Variants in MRPS14 observed in about 807,000 individuals in gnomAD.
The protein encoded by MRPS14 is small ribosomal subunit protein uS14m.
In MRPS14, 14 loss-of-function variants were observed where a neutral mutation model predicts 16.4. That is an observed-to-expected ratio of 0.85 (90% CI 0.56 to 1.33). MRPS14 has a LOEUF of 1.33. Among genes scored for constraint, MRPS14 ranks in the 40% most tolerant of loss-of-function variants. The pLI is 0.00. For synonymous variants in MRPS14, 54 were observed against 61.9 expected (o/e 0.87, Z 0.60); for missense variants, 162 against 176.8 (o/e 0.92, Z 0.48).
chr1:175,018,503 C>G lies in MRPS14; in HGVS notation c.119G>C (p.Arg40Thr). Residue 40 changes from arginine to threonine, a missense_variant, in exon 2 of 3, where the codon AGA becomes ACA. Transcript: ENST00000476371. ...VDWRMWRDVK[R>T]RKMAYEYADE... ...TGCGTATTCATAGGCCATTTTTCGT[C>G]TCTTCACATCGCGCCACATTCTCCA... The G allele has an allele frequency of 6.2e-7, 1 of 1,613,346 alleles. No homozygotes were observed. The highest frequency in any genetic ancestry group is 1.1e-5 in the South Asian group (1 of 90,918).
At chr1:175,021,180 A>G (rs1036383977) in intron 1 of MRPS14, among the ~76,000 whole-genome samples, 6 of 151,926 alleles carry the variant, frequency 3.9e-5, no homozygotes, top group Non-Finnish European at 7.4e-5. Flanking sequence ...CCTGGCTTTG[A>G]CTCATGCCAT....
rs1329777120 is a variant in MRPS14, at chr1:175,013,100, C to G, written c.*1569G>C. The G allele has an allele frequency of 6.6e-6, 1 of 152,196 alleles. No homozygotes were observed. The highest frequency in any genetic ancestry group is 1.9e-4 in the East Asian group (1 of 5,196). 9.4% of individuals were successfully genotyped at this position (152,196 alleles called of 1,614,324 possible). ...TTGCCCATTGGTAGTGAGATGGATT[C>G]TAAGTTGAGATATTAGCTAGAACAT... On this transcript the variant is annotated 3_prime_UTR_variant, in exon 3 of 3. Transcript: ENST00000476371.
intron 1 of MRPS14, among the ~76,000 whole-genome samples, chr1:175,021,344 G>T (rs1361651135): frequency 6.6e-6 from 1 of 152,104 alleles, no homozygotes; most frequent in Non-Finnish European, 1.5e-5. Flanking sequence ...CAATATACAT[G>T]AAATTACACC....
chr1:175,023,198 G>A, intron 1 of MRPS14, 166 bp downstream of exon 1: 1 of 1,497,922 alleles, frequency 6.7e-7, no homozygotes, highest in Non-Finnish European at 8.9e-7. Context: ...ATTGACATCT[G>A]CAGCTCGGAC....
rs1174342755 is a variant in MRPS14, at chr1:175,014,342, C to T, written c.*327G>A. 1 of 397,468 alleles carries T rather than the reference C, an allele frequency of 2.5e-6. No individual in the cohort carries two copies. The highest frequency in any genetic ancestry group is 4.4e-6 in the Non-Finnish European group (1 of 226,058). 24.6% of individuals were successfully genotyped at this position (397,468 alleles called of 1,614,324 possible). ...TAAGATAGCATTTTATGAAATAATGCTCTTAATACAAAAACCCCTATATGT... is the reference window on the plus strand; with the variant it reads ...TAAGATAGCATTTTATGAAATAATGTTCTTAATACAAAAACCCCTATATGT... On this transcript the variant is annotated 3_prime_UTR_variant, in exon 3 of 3. Transcript: ENST00000476371.
chr1:175,021,150 C>CT (rs1672972171), intron 1 of MRPS14, among the ~76,000 whole-genome samples: 1 of 152,104 alleles, frequency 6.6e-6, no homozygotes, highest in Non-Finnish European at 1.5e-5. Flanking sequence ...GCTTCGAGTT[C>CT]TCCTTCCTTC....
At chr1:175,022,943 T>C (rs146592787) in intron 1 of MRPS14, among the ~76,000 whole-genome samples, 41 of 152,158 alleles carry the variant, frequency 2.7e-4, no homozygotes, top group African/African-American at 9.2e-4. Context: ...TTGAGCAGAG[T>C]TGCCCACTCC....
rs950633746 is a variant in MRPS14, at chr1:175,014,436, T to C, written c.*233A>G. On this transcript the variant is annotated 3_prime_UTR_variant, in exon 3 of 3. Coordinates refer to ENST00000476371, the MANE Select transcript of MRPS14 (RefSeq NM_022100.3). ...CAGAAAATATTTATTATGCTACTCTTTGTACTATGTATGGGAACAGTATGT... is the reference window on the plus strand; with the variant it reads ...CAGAAAATATTTATTATGCTACTCTCTGTACTATGTATGGGAACAGTATGT... 37 of 446,474 alleles carry C rather than the reference T, an allele frequency of 8.3e-5. No individual in the cohort carries two copies. The highest frequency in any genetic ancestry group is 1.3e-4 in the Non-Finnish European group (34 of 255,244). 27.7% of individuals were successfully genotyped at this position (446,474 alleles called of 1,614,324 possible).
In MRPS14 at chr1:175,018,573, C is replaced by T; in HGVS notation, c.49G>A (p.Val17Ile). ...ACTTGGCCTGAAGCTGATGAAGGAA[C>T]CATCTGAAAGACAGAGACAAGGGAC... ...GSLLRTFKQMVPSSASGQVRS... is the reference protein window; with the variant it reads ...GSLLRTFKQMIPSSASGQVRS... Residue 17 changes from valine (V) to isoleucine (I), a missense_variant, in exon 2 of 3, where the codon GTT (valine) becomes ATT (isoleucine). Val to Ile is a conservative substitution (Grantham distance 29). Coordinates refer to ENST00000476371, the MANE Select transcript of MRPS14 (RefSeq NM_022100.3). 6.3e-7 allele frequency: 1 copy of T among 1,594,736 alleles called. No individual in the cohort carries two copies. Among genetic ancestry groups the T allele is most frequent in the Admixed American group, 1.8e-5 (1 of 54,882 alleles).
At chr1:175,015,817 A>G (rs1470086354) in intron 2 of MRPS14, among the ~76,000 whole-genome samples, 1 of 152,248 alleles carries the variant, frequency 6.6e-6, no homozygotes, top group Non-Finnish European at 1.5e-5. Context: ...ACATTAAAAT[A>G]ACACAAATTA....
At chr1:175,023,259 G>T (rs775074589) in intron 1 of MRPS14, 105 bp downstream of exon 1, 69 of 1,562,304 alleles carry the variant, frequency 4.4e-5, no homozygotes, top group Middle Eastern at 3.3e-4. Flanking sequence ...AGAACCCCTG[G>T]ACTGGTCCTC....
chr1:175,018,626 T>A (rs772442413), intron 1 of MRPS14, 50 bp from the exon 2 acceptor site: 1 of 1,500,528 alleles, frequency 6.7e-7, no homozygotes, highest in Non-Finnish European at 8.9e-7. Context: ...GACAACATTC[T>A]GAGTGTTCCT....
chr1:175,018,380 A>G (rs1332290564), intron 2 of MRPS14, 38 bp downstream of exon 2: 2 of 1,536,820 alleles, frequency 1.3e-6, no homozygotes, highest in Admixed American at 2.2e-5. Flanking sequence ...TGAGTTAATG[A>G]TCTTGTGGTA....
rs1672925934 is a variant in MRPS14, at chr1:175,018,678, A to G, written c.46-102T>C. 4 of 1,116,238 alleles carry G rather than the reference A, an allele frequency of 3.6e-6. No homozygotes were observed. In the Admixed American group the frequency reaches 8.8e-5, roughly 25 times the overall value. The allele number at this position is 1,116,238 out of a possible 1,614,324, so 69.1% of individuals were successfully genotyped here. On this transcript the variant is annotated intron_variant, in intron 1 of 2. Transcript: ENST00000476371. ...TTTCTGCCACTATTTATCATTTAGT[A>G]TTCTTTTAAGAGTTGTTTTAGATCA...
chr1:175,023,293 C>A (rs767353007), intron 1 of MRPS14, 71 bp downstream of exon 1: 8 of 1,586,474 alleles, frequency 5.0e-6, no homozygotes, highest in Non-Finnish European at 6.9e-6. Flanking sequence ...GGTGGCAGAG[C>A]CGTGGGGGAC....
At position 175,018,424 on chromosome 1, in the gene MRPS14, A is replaced by G; in HGVS notation, c.198T>C (p.Ile66=). ...SLRKNTILPK[I]LQDVADEEIA... is the part of the protein sequence containing the mutation. ...CTCATCTTAATTAGCTAACCTGAAG[A>G]ATTTTTGGCAAAATGGTATTCTTCC... Residue 66 remains isoleucine, a synonymous_variant, in exon 2 of 3, where the codon ATT becomes ATC. Coordinates refer to ENST00000476371, the MANE Select transcript of MRPS14 (RefSeq NM_022100.3). 6.3e-7 allele frequency: 1 copy of G among 1,596,626 alleles called. No individual in the cohort carries two copies. The highest frequency in any genetic ancestry group is 2.2e-5 in the East Asian group (1 of 44,664).
Position 175,014,273 on chromosome 1 carries a change from A to C in MRPS14, c.*396T>G. On this transcript the variant is annotated 3_prime_UTR_variant, in exon 3 of 3. Transcript: ENST00000476371. ...GTCAGCAAAGCTAGTCCAGGATTAC[A>C]AACTGCCATACATGAGCTACATGTC... 1 of 303,398 alleles carries C rather than the reference A, an allele frequency of 3.3e-6. No individual in the cohort carries two copies. Among genetic ancestry groups the C allele is most frequent in the Non-Finnish European group, 6.0e-6 (1 of 167,342 alleles). The allele number at this position is 303,398 out of a possible 1,614,324, so 18.8% of individuals were successfully genotyped here.
At chr1:175,015,633 T>C (rs915326790) in intron 2 of MRPS14, among the ~76,000 whole-genome samples, 2 of 152,094 alleles carry the variant, frequency 1.3e-5, no homozygotes, top group Non-Finnish European at 2.9e-5. Flanking sequence ...GCAAAGTGGT[T>C]GAGGGGAGAA....
At position 175,014,721 on chromosome 1, in the gene MRPS14, C is replaced by G. The variant is rs748223434; in HGVS notation, c.335G>C (p.Arg112Pro). ...RRWRLSRIVF[R>P]HLADHGQLSG... ...AAGTTGCCCATGGTCAGCTAAGTGA[C>G]GGAAGACTATACGACTAAGCCTCCA... Residue 112 changes from arginine (R) to proline (P), a missense_variant, in exon 3 of 3, where the codon CGT (arginine) becomes CCT (proline). Arg to Pro is a moderately radical substitution (Grantham distance 103). Transcript: ENST00000476371. 1.9e-6 allele frequency: 3 copies of G among 1,613,746 alleles called. No homozygotes were observed. The African/African-American group carries it at 4.0e-5, about 22-fold the overall frequency.
Sources: gnomAD v4.1 joint callset for allele counts (sites outside exome capture counted in the v4.1 genomes callset) on GRCh38, gnomAD v4.1.1 for gene constraint, MANE v1.5 for transcripts, NCBI Gene and HGNC (gene_info 2026-07-23, HGNC 2026-07-21) for gene names.